ACAN: variants seen among roughly 807,000 people sequenced by gnomAD.
ACAN encodes the protein aggrecan, also known as aggrecan core protein.
A neutral mutation model predicts 169.1 loss-of-function variants in ACAN; 47 were observed. The ratio of observed to expected loss-of-function variants is 0.28; its 90% CI spans 0.22 to 0.35. The LOEUF is 0.35. Among genes scored for constraint, ACAN ranks in the 10% least tolerant of loss-of-function variants. The pLI, the probability that ACAN is intolerant of heterozygous loss-of-function variation, is 1.00. For missense variants in ACAN, 2,716 were observed against 2,759.9 expected (o/e 0.98, Z 0.36); for synonymous variants, 1,115 against 1,112.2 (o/e 1.00, Z -0.05).
chr15:88,849,633 G>C lies in ACAN; in HGVS notation c.1928G>C (p.Cys643Ser). The C allele has an allele frequency of 6.2e-7, 1 of 1,612,958 alleles. No individual in the cohort carries two copies. Among genetic ancestry groups the C allele is most frequent in the African/African-American group, 1.3e-5 (1 of 75,032 alleles). ...CCCATCGTCACCCCAAGGCCTGCCTGCGGTGGGGACAAGCCAGGCGTGAGA... is the reference window on the plus strand; with the variant it reads ...CCCATCGTCACCCCAAGGCCTGCCTCCGGTGGGGACAAGCCAGGCGTGAGA... ...RYPIVTPRPA[C>S]GGDKPGVRTV... is the part of the protein sequence containing the mutation. Residue 643 changes from cysteine (C) to serine (S), a missense_variant, in exon 10 of 19, where the codon TGC becomes TCC. Cys to Ser is a moderately radical substitution (Grantham distance 112). Transcript: ENST00000560601. This position sits in a 1 kb window ranked among gnomAD's most constrained non-coding sequence, Gnocchi z 5.1.
intron 1 of ACAN, among the ~76,000 whole-genome samples, chr15:88,813,054 C>A (rs1895859458): frequency 6.6e-6 from 1 of 152,216 alleles, no homozygotes; most frequent in Non-Finnish European, 1.5e-5. Context: ...TCTTAATATG[C>A]TGATGGACCT....
rs370351937 is a variant in ACAN at position 88,865,423 on chromosome 15, GTTCT to G, written c.6947-2778_6947-2775del. The stretch of plus-strand genomic sequence containing the variant: ...AAGTCACCTCACTTGTTTTCTTTCT[GTTCT>G]TTCTTTCTTTCTTTTCTGTTTTGTT... On this transcript the variant is annotated intron_variant, in intron 13 of 18. Coordinates refer to ENST00000560601, the MANE Select transcript of ACAN (RefSeq NM_001369268.1). Among the ~76,000 whole-genome samples the G allele has an allele frequency of 2.5e-3, 378 of 152,168 alleles. 1 individual carries two copies. The highest frequency in any genetic ancestry group is 8.5e-3 in the African/African-American group (352 of 41,502).
In ACAN at chr15:88,875,040, G is replaced by T. The variant is rs542722810; in HGVS notation, c.*559G>T. 2.4e-5 allele frequency: 4 copies of T among 169,606 alleles called. No homozygotes were observed. In the South Asian group the frequency reaches 5.8e-4, roughly 24 times the overall value. The allele number at this position is 169,606 out of a possible 1,614,324, so 10.5% of individuals were successfully genotyped here. A position where few individuals can be genotyped will look rare whatever the true frequency, so the allele number is the denominator to read the frequency against. On this transcript the variant is annotated 3_prime_UTR_variant, in exon 19 of 19. Transcript: ENST00000560601. This position sits in a 1 kb window ranked among gnomAD's most constrained non-coding sequence, Gnocchi z 4.8. ...GAAAAGCCTTGGGGGAGAGGGGTGG[G>T]TTCCTGCCTCCTGCCGAGGGTAAGC...
At chr15:88,823,337 C>G (rs1896125739) in intron 1 of ACAN, among the ~76,000 whole-genome samples, 2 of 152,174 alleles carry the variant, frequency 1.3e-5, no homozygotes, top group Admixed American at 1.3e-4. Flanking sequence ...GAGAAAACTT[C>G]CAAGTGCTTG....
At position 88,871,310 on chromosome 15, in the gene ACAN, A is replaced by C; in HGVS notation, c.7061-72A>C. ...TGGGGTGAACGCAGGAACCTATGCC[A>C]TAAGACTGGCAGCATCTGCCATCCC... On this transcript the variant is annotated intron_variant, in intron 14 of 18. Coordinates refer to ENST00000560601, the MANE Select transcript of ACAN (RefSeq NM_001369268.1). This position sits in a 1 kb window ranked among gnomAD's most constrained non-coding sequence, Gnocchi z 7.8. 1.9e-6 allele frequency: 3 copies of C among 1,601,170 alleles called. No individual in the cohort carries two copies. The South Asian group carries it at 3.3e-5, about 18-fold the overall frequency.
rs757037237 is a variant in ACAN, at chr15:88,848,032, C to T, written c.1726C>T (p.Leu576Phe). ...TYDVYCFVDRLEGEVFFATRL... is the reference protein window; with the variant it reads ...TYDVYCFVDRFEGEVFFATRL... ...CGATGTCTACTGCTTTGTAGACAGACTTGAGGGTACAAGCCACATTCTCAC... is the reference window on the plus strand; with the variant it reads ...CGATGTCTACTGCTTTGTAGACAGATTTGAGGGTACAAGCCACATTCTCAC... Residue 576 changes from leucine (L) to phenylalanine (F), a missense_variant, in exon 9 of 19, where the codon CTT becomes TTT. Around this residue, in one of 3 missense-constraint regions of ACAN, gnomAD observed 1,283 missense variants for 1,281.5 expected, o/e 1.00. Transcript: ENST00000560601. The T allele has an allele frequency of 6.2e-7, 1 of 1,613,530 alleles. No individual in the cohort carries two copies. Among genetic ancestry groups the T allele is most frequent in the South Asian group, 1.1e-5 (1 of 91,016 alleles).
At position 88,828,069 on chromosome 15, in the gene ACAN, T is replaced by G. The variant is rs1036688206; in HGVS notation, c.-7-8131T>G. Among the ~76,000 whole-genome samples, 4 of 152,134 alleles carry G rather than the reference T, an allele frequency of 2.6e-5. No individual in the cohort carries two copies. In the East Asian group the frequency reaches 7.7e-4, roughly 29 times the overall value. ...AGCCAAGATGAGTCTGCTAATAAGT[T>G]GGTCATAACAACAAGAAATGACAAA... On this transcript the variant is annotated intron_variant, in intron 1 of 18. Transcript: ENST00000560601.
intron 13 of ACAN, among the ~76,000 whole-genome samples, chr15:88,864,068 T>C (rs1275096389): frequency 6.6e-6 from 1 of 152,168 alleles, no homozygotes; most frequent in Non-Finnish European, 1.5e-5. Flanking sequence ...TCCCAGCTAC[T>C]TGGGAAGCTA....
Position 88,847,348 on chromosome 15 carries a change from A to G in ACAN, c.1535A>G (p.Gln512Arg). The change falls in exon 8 of 19, where the codon CAG becomes CGG. Residue 512 changes from glutamine (Q) to arginine (R), a missense_variant. Transcript: ENST00000560601. ...GGGGCGGTCATTGCCTCGCCGGAGCAGCTCCAGGCCGCCTACGAAGCAGGC... is the reference window on the plus strand; with the variant it reads ...GGGGCGGTCATTGCCTCGCCGGAGCGGCTCCAGGCCGCCTACGAAGCAGGC... ...RTGAVIASPE[Q>R]LQAAYEAGYE... 1 of 1,587,872 alleles carries G rather than the reference A, an allele frequency of 6.3e-7. No individual in the cohort carries two copies. The highest frequency in any genetic ancestry group is 8.6e-7 in the Non-Finnish European group (1 of 1,168,186).
Position 88,839,006 on chromosome 15 carries a change from C to T in ACAN, c.414C>T (p.Gly138=). The T allele has an allele frequency of 6.2e-7, 1 of 1,609,360 alleles. No homozygotes were observed. The highest frequency in any genetic ancestry group is 1.1e-5 in the South Asian group (1 of 91,092). The change falls in exon 3 of 19, where the codon GGC becomes GGT. Residue 138 remains glycine (G), a synonymous_variant. Coordinates refer to ENST00000560601, the MANE Select transcript of ACAN (RefSeq NM_001369268.1). This position sits in a 1 kb window ranked among gnomAD's most constrained non-coding sequence, Gnocchi z 4.5. The part of the protein sequence containing the change: ...SGVYRCEVMH[G]IEDSEATLEV... Reference sequence around the variant, plus strand: ...TCTACCGCTGCGAGGTGATGCATGGCATCGAGGACAGCGAGGCCACCCTGG... The same window carrying T: ...TCTACCGCTGCGAGGTGATGCATGGTATCGAGGACAGCGAGGCCACCCTGG...
chr15:88,827,913 G>C (rs2141535135), intron 1 of ACAN, among the ~76,000 whole-genome samples: 1 of 152,308 alleles, frequency 6.6e-6, no homozygotes, highest in Admixed American at 6.5e-5. Context: ...AGCCACATCT[G>C]TCTGACTCCC....
At chr15:88,854,568 G>A (rs949715764) in intron 11 of ACAN, among the ~76,000 whole-genome samples, 1 of 152,144 alleles carries the variant, frequency 6.6e-6, no homozygotes, top group African/African-American at 2.4e-5. Flanking sequence ...GTAGCCCATG[G>A]CCCTGTGGGC....
intron 1 of ACAN, among the ~76,000 whole-genome samples, chr15:88,821,126 T>C (rs1021294219): frequency 1.1e-4 from 16 of 152,138 alleles, no homozygotes; most frequent in African/African-American, 3.6e-4. Flanking sequence ...GTCCCTCCCA[T>C]GATATATGGG....
chr15:88,857,202 C>T lies in ACAN; in HGVS notation c.4617C>T (p.Ala1539=), dbSNP rs1240608838. The part of the protein sequence containing the change: ...PSGEEVLEIS[A]SGFGDLSGLP... ...GAGAAGAAGTTCTAGAGATTTCTGC[C>T]TCTGGATTTGGGGACCTCAGTGGAC... is the stretch of plus-strand genomic sequence containing the variant. The change falls in exon 12 of 19, where the codon GCC becomes GCT. Residue 1539 remains alanine, a synonymous_variant. Coordinates refer to ENST00000560601, the MANE Select transcript of ACAN (RefSeq NM_001369268.1). 1.2e-5 allele frequency: 19 copies of T among 1,613,572 alleles called. No individual in the cohort carries two copies. Among genetic ancestry groups the T allele is most frequent in the African/African-American group, 2.7e-5 (2 of 74,874 alleles).
chr15:88,849,365 G>T lies in ACAN; in HGVS notation c.1733-73G>T. The T allele has an allele frequency of 7.1e-7, 1 of 1,416,340 alleles. No individual in the cohort carries two copies. The highest frequency in any genetic ancestry group is 1.4e-5 in the African/African-American group (1 of 70,060). The allele number at this position is 1,416,340 out of a possible 1,614,324, so 87.7% of individuals were successfully genotyped here. Reference sequence around the variant, plus strand: ...TGGTGAGGAGGGTTAGAGGAACTCTGTCCTGGGTGGGCAGGGATGGACCTG... The same window carrying T: ...TGGTGAGGAGGGTTAGAGGAACTCTTTCCTGGGTGGGCAGGGATGGACCTG... On this transcript the variant is annotated intron_variant, in intron 9 of 18. Coordinates refer to ENST00000560601, the MANE Select transcript of ACAN (RefSeq NM_001369268.1). The surrounding 1 kb of genome is among the most constrained non-coding windows in gnomAD (Gnocchi z 5.1).
intron 1 of ACAN, among the ~76,000 whole-genome samples, chr15:88,817,577 G>A (rs1394084352): frequency 1.3e-5 from 2 of 151,704 alleles, no homozygotes; most frequent in African/African-American, 2.4e-5. Context: ...AAATTGGCCA[G>A]GCACGGTGGC....
chr15:88,839,901 G>A lies in ACAN; in HGVS notation c.455-111G>A. ...GGGAGTCATGCATCAGCCCAGACCA[G>A]CCAGTTCCCTAAGGTCCCTTTGACT... On this transcript the variant is annotated intron_variant, in intron 3 of 18. Transcript: ENST00000560601. This position sits in a 1 kb window ranked among gnomAD's most constrained non-coding sequence, Gnocchi z 4.5. 1 of 1,337,242 alleles carries A rather than the reference G, an allele frequency of 7.5e-7. No individual in the cohort carries two copies. Among genetic ancestry groups the A allele is most frequent in the South Asian group, 1.4e-5 (1 of 71,140 alleles). The allele number at this position is 1,337,242 out of a possible 1,614,324, so 82.8% of individuals were successfully genotyped here.
At position 88,872,568 on chromosome 15, in the gene ACAN, T is replaced by G. The variant is rs913118258; in HGVS notation, c.7303-313T>G. ...CATCCCTACCCAATGTGGTCAGCCCTGGTTGGCCCTTCTGGATAAGAGGTG... is the reference window on the plus strand; with the variant it reads ...CATCCCTACCCAATGTGGTCAGCCCGGGTTGGCCCTTCTGGATAAGAGGTG... On this transcript the variant is annotated intron_variant, in intron 16 of 18. Coordinates refer to ENST00000560601, the MANE Select transcript of ACAN (RefSeq NM_001369268.1). The surrounding 1 kb of genome is among the most constrained non-coding windows in gnomAD (Gnocchi z 5.4). Among the ~76,000 whole-genome samples, 66 of 152,110 alleles carry G rather than the reference T, an allele frequency of 4.3e-4. No individual in the cohort carries two copies. The highest frequency in any genetic ancestry group is 3.4e-4 in the Non-Finnish European group (23 of 68,016).
At chr15:88,821,848 C>G (rs1896083889) in intron 1 of ACAN, among the ~76,000 whole-genome samples, 1 of 152,104 alleles carries the variant, frequency 6.6e-6, no homozygotes, top group Non-Finnish European at 1.5e-5. Context: ...TCACAGAACT[C>G]AGCAAAACTG....
Sources: allele counts gnomAD v4.1 joint callset (sites outside exome capture counted in the v4.1 genomes callset), GRCh38; gene constraint gnomAD v4.1.1; regional missense constraint gnomAD v4.1.1; non-coding constraint Gnocchi (gnomAD v3.1); transcripts MANE v1.5; gene names NCBI Gene and HGNC (gene_info 2026-07-23, HGNC 2026-07-21).